MPHOSPH10: variants seen among roughly 807,000 people sequenced by gnomAD.
The protein encoded by MPHOSPH10 is U3 small nucleolar ribonucleoprotein MPP10.
A neutral mutation model predicts 77.3 loss-of-function variants in MPHOSPH10; 33 were observed. The observed-to-expected ratio is 0.43, with a 90% CI of 0.32 to 0.57. MPHOSPH10 has a LOEUF of 0.57. Among genes scored for constraint, MPHOSPH10 ranks in the 20% least tolerant of loss-of-function variants. The pLI is 0.07. For synonymous variants in MPHOSPH10, 245 were observed against 268.0 expected, an observed-to-expected ratio of 0.91 and a Z score of 0.84; for missense variants, 708 against 780.1, an observed-to-expected ratio of 0.91 and a Z score of 1.10.
intron 9 of MPHOSPH10, chr2:71,148,722 G>T (rs997207190): frequency 1.2e-5 from 2 of 163,990 alleles, no homozygotes; most frequent in African/African-American, 4.8e-5. Context: ...CTCAGTGCAG[G>T]TGACAGCCCT....
In MPHOSPH10 at chr2:71,148,102, T is replaced by C. The variant is rs1673752713; in HGVS notation, c.1661T>C (p.Ile554Thr). Reference sequence around the variant, plus strand: ...GCAGCTCTCCTGGCCCCAGAGGAGATCAAGGTAAGAAGCCAATGTTGAAAC... The same window carrying C: ...GCAGCTCTCCTGGCCCCAGAGGAGACCAAGGTAAGAAGCCAATGTTGAAAC... ...SDAALLAPEE[I>T]KEKNKAGDIK... The change falls in exon 9 of 11, where the codon ATC becomes ACC. Residue 554 changes from isoleucine (I) to threonine (T), a missense_variant. By Grantham distance (89) the Ile-to-Thr change is moderately conservative. Transcript: ENST00000244230. 6.2e-7 allele frequency: 1 copy of C among 1,611,774 alleles called. No individual in the cohort carries two copies. The highest frequency in any genetic ancestry group is 1.3e-5 in the African/African-American group (1 of 74,858).
At chr2:71,146,109 T>G (rs1673701482) in intron 8 of MPHOSPH10, among the ~76,000 whole-genome samples, 1 of 152,224 alleles carries the variant, frequency 6.6e-6, no homozygotes, top group African/African-American at 2.4e-5. Flanking sequence ...AGCTAGGATC[T>G]AACACACGGA....
Position 71,133,421 on chromosome 2 carries a change from T to G in MPHOSPH10, c.613T>G (p.Phe205Val). The change falls in exon 2 of 11, where the codon TTC (phenylalanine) becomes GTC (valine). Residue 205 changes from phenylalanine to valine, a missense_variant. Around this residue, in one of 3 missense-constraint regions of MPHOSPH10, gnomAD observed 433 missense variants for 432.6 expected, o/e 1.00. Transcript: ENST00000244230. Reference sequence around the variant, plus strand: ...AAAGTCCATAGTAGATGATAAATTCTTCAAACTCTCTGAAATGGAGGCCTA... The same window carrying G: ...AAAGTCCATAGTAGATGATAAATTCGTCAAACTCTCTGAAATGGAGGCCTA... ...REKSIVDDKF[F>V]KLSEMEAYLE... 6.2e-7 allele frequency: 1 copy of G among 1,614,110 alleles called. No homozygotes were observed. The highest frequency in any genetic ancestry group is 8.5e-7 in the Non-Finnish European group (1 of 1,180,008).
chr2:71,146,375 G>GC (rs1673708640), intron 8 of MPHOSPH10, among the ~76,000 whole-genome samples: 1 of 107,420 alleles, frequency 9.3e-6, no homozygotes, highest in Non-Finnish European at 1.8e-5. Flanking sequence ...TCACTGTGTT[G>GC]CCCAGGCTGG....
At chr2:71,149,791 G>A in intron 10 of MPHOSPH10, 75 bp from the exon 11 acceptor site, 3 of 1,226,018 alleles carry the variant, frequency 2.4e-6, no homozygotes, top group South Asian at 1.7e-5. Flanking sequence ...TGTTGTAATG[G>A]TGATGTACTA....
chr2:71,147,964 C>T (rs1673750291), intron 8 of MPHOSPH10, 35 bp from the exon 9 acceptor site: 1 of 1,547,276 alleles, frequency 6.5e-7, no homozygotes, highest in South Asian at 1.1e-5. Context: ...AGAGTCCCTT[C>T]TGGCTTCCCA....
Position 71,130,738 on chromosome 2 carries a change from C to G in MPHOSPH10, c.73C>G (p.Pro25Ala). The G allele has an allele frequency of 6.2e-7, 1 of 1,609,310 alleles. No homozygotes were observed. The highest frequency in any genetic ancestry group is 8.5e-7 in the Non-Finnish European group (1 of 1,178,234). Residue 25 changes from proline (P) to alanine (A), a missense_variant, in exon 1 of 11, where the codon CCC becomes GCC. Around this residue, in one of 3 missense-constraint regions of MPHOSPH10, gnomAD observed 433 missense variants for 432.6 expected, o/e 1.00. Transcript: ENST00000244230. ...GGAAGTCGGCAAAGCCACGGGTCGGCCCGAGTGCTTCCTCACGTAAGTGCG... is the reference window on the plus strand; with the variant it reads ...GGAAGTCGGCAAAGCCACGGGTCGGGCCGAGTGCTTCCTCACGTAAGTGCG... ...LTEVGKATGR[P>A]ECFLTIQEGL... is the part of the protein sequence containing the mutation.
intron 7 of MPHOSPH10, among the ~76,000 whole-genome samples, chr2:71,143,933 C>T (rs1455993233): frequency 6.6e-6 from 1 of 152,142 alleles, no homozygotes; most frequent in Non-Finnish European, 1.5e-5. Context: ...ATTTTTAATC[C>T]TCCTGGTTGT....
chr2:71,138,536 A>T lies in MPHOSPH10; in HGVS notation c.1145A>T (p.Lys382Met). The T allele has an allele frequency of 6.2e-7, 1 of 1,601,556 alleles. No individual in the cohort carries two copies. The highest frequency in any genetic ancestry group is 8.5e-7 in the Non-Finnish European group (1 of 1,176,232). The change falls in exon 5 of 11, where the codon AAG (lysine) becomes ATG (methionine). Residue 382 changes from lysine (K) to methionine (M), a missense_variant. Coordinates refer to ENST00000244230, the MANE Select transcript of MPHOSPH10 (RefSeq NM_005791.3). ...ASLEKELLEK[K>M]PWQLQGEVTA... is the part of the protein sequence containing the mutation. ...TTAGAAAAAGAGTTGTTAGAAAAAA[A>T]GCCGTGGCAGCTTCAGGGGGAAGTG...
intron 9 of MPHOSPH10, 174 bp downstream of exon 9, chr2:71,148,280 T>C (rs1673756171): frequency 1.8e-6 from 1 of 562,534 alleles, no homozygotes; most frequent in East Asian, 2.9e-5. Flanking sequence ...ACCAGTCTCC[T>C]ATATTCTGGC....
At chr2:71,133,892 G>A in intron 2 of MPHOSPH10, 56 bp from the exon 3 acceptor site, 1 of 1,201,230 alleles carries the variant, frequency 8.3e-7, no homozygotes, top group Non-Finnish European at 1.1e-6. Context: ...CTATATGCAT[G>A]TGTTAATATA....
chr2:71,136,467 A>T (rs929533347), intron 4 of MPHOSPH10, among the ~76,000 whole-genome samples: 3 of 152,002 alleles, frequency 2.0e-5, no homozygotes, highest in Admixed American at 1.3e-4. Flanking sequence ...GTGAGCTATG[A>T]TTGCACCACA....
At position 71,133,276 on chromosome 2, in the gene MPHOSPH10, C is replaced by T. The variant is rs758839067; in HGVS notation, c.468C>T (p.Ser156=). The T allele has an allele frequency of 1.9e-6, 3 of 1,614,076 alleles. No individual in the cohort carries two copies. The highest frequency in any genetic ancestry group is 2.2e-5 in the South Asian group (2 of 91,072). The change falls in exon 2 of 11, where the codon AGC becomes AGT. Residue 156 remains serine (S), a synonymous_variant. Transcript: ENST00000244230. The part of the protein sequence containing the change: ...PEMGERAENS[S]KSDLRKSPVF... ...TGGGTGAGAGAGCTGAAAACTCAAGCAAATCTGATCTGAGGAAAAGCCCCG... is the reference window on the plus strand; with the variant it reads ...TGGGTGAGAGAGCTGAAAACTCAAGTAAATCTGATCTGAGGAAAAGCCCCG...
At chr2:71,136,970 C>G (rs1488408049) in intron 4 of MPHOSPH10, among the ~76,000 whole-genome samples, 1 of 145,060 alleles carries the variant, frequency 6.9e-6, no homozygotes, top group Admixed American at 7.1e-5. Context: ...AGAGCACAGT[C>G]TCATTCATGA....
Position 71,133,475 on chromosome 2 carries a change from C to T in MPHOSPH10, c.667C>T (p.Arg223Ter). Residue 223 changes from arginine (R) to a stop codon, truncating the protein, a stop_gained, in exon 2 of 11, where the codon CGA (arginine) becomes TGA (stop). Coordinates refer to ENST00000244230, the MANE Select transcript of MPHOSPH10 (RefSeq NM_005791.3). LOFTEE classifies it high-confidence loss of function. ...AGAAAACATAGAAAAAGAAGAGGAA[C>T]GAAAAGATGATAATGATGAGGAGGA... ...YLENIEKEEERKDDNDEEEED... is the reference protein window; with the variant it reads ...YLENIEKEEE The T allele has an allele frequency of 1.2e-6, 2 of 1,612,980 alleles. No homozygotes were observed. Among genetic ancestry groups the T allele is most frequent in the Non-Finnish European group, 1.7e-6 (2 of 1,179,494 alleles).
chr2:71,140,633 T>C (rs1201035426), intron 6 of MPHOSPH10, among the ~76,000 whole-genome samples: 1 of 152,224 alleles, frequency 6.6e-6, no homozygotes, highest in African/African-American at 2.4e-5. Flanking sequence ...CTCAATGGTG[T>C]ATTTTTTTCA....
At chr2:71,132,102 G>C (rs1019697322) in intron 1 of MPHOSPH10, among the ~76,000 whole-genome samples, 1 of 152,040 alleles carries the variant, frequency 6.6e-6, no homozygotes, top group African/African-American at 2.4e-5. Context: ...TAGCAATCCT[G>C]TCAGTTCTAC....
chr2:71,145,875 G>A (rs1227712507), intron 8 of MPHOSPH10, among the ~76,000 whole-genome samples: 1 of 152,152 alleles, frequency 6.6e-6, no homozygotes, highest in African/African-American at 2.4e-5. Flanking sequence ...GGCATGGCTG[G>A]CTCCTTATTG....
At chr2:71,135,132 C>G (rs1035551723) in intron 4 of MPHOSPH10, among the ~76,000 whole-genome samples, 3 of 152,176 alleles carry the variant, frequency 2.0e-5, no homozygotes, top group African/African-American at 7.2e-5. Flanking sequence ...CATCACTGCT[C>G]TCTAGCCTGG....
Sources: allele counts gnomAD v4.1 joint callset (sites outside exome capture counted in the v4.1 genomes callset), GRCh38; gene constraint gnomAD v4.1.1; regional missense constraint gnomAD v4.1.1; transcripts MANE v1.5; gene names NCBI Gene and HGNC (gene_info 2026-07-23, HGNC 2026-07-21).